The following STAC variants were observed in gnomAD, a reference collection of about 807,000 sequenced individuals.
The protein encoded by STAC is SH3 and cysteine rich domain.
In STAC, 43 loss-of-function variants were observed where a neutral mutation model predicts 48.8. The observed-to-expected ratio is 0.88, with a 90% CI of 0.69 to 1.14. STAC has a LOEUF of 1.14. Among genes scored for constraint, STAC ranks in the 50% most tolerant of loss-of-function variants. The pLI is 0.00. For synonymous variants in STAC, 193 were observed against 179.5 expected, an observed-to-expected ratio of 1.07 and a Z score of -0.60; for missense variants, 497 against 504.0, an observed-to-expected ratio of 0.99 and a Z score of 0.13.
intron 1 of STAC, among the ~76,000 whole-genome samples, chr3:36,437,446 A>C (rs945339335): frequency 6.6e-6 from 1 of 151,978 alleles, no homozygotes; most frequent in Non-Finnish European, 1.5e-5. Context: ...CTATGCAGCC[A>C]TAAAAAATGA....
intron 1 of STAC, among the ~76,000 whole-genome samples, chr3:36,398,295 A>AAAAGAAAGAAAGAAAG (rs1217994053): frequency 7.1e-4 from 83 of 117,078 alleles, no homozygotes; most frequent in Middle Eastern, 4.3e-3. Flanking sequence ...GGTATGTTAA[A>AAAAGAAAGAAAGAAAG]AAAGAAAGAA....
intron 1 of STAC, among the ~76,000 whole-genome samples, chr3:36,398,587 A>AGGAAGGAAGGAAGGAG: frequency 1.2e-5 from 1 of 85,212 alleles, no homozygotes; most frequent in Non-Finnish European, 2.3e-5. Flanking sequence ...GAAGGAAGGA[A>AGGAAGGAAGGAAGGAG]GGAAGGAAGG....
rs965023232 is a variant in STAC, at chr3:36,533,492, T to G, written c.1110+4507T>G. On this transcript the variant is annotated intron_variant, in intron 10 of 10. Coordinates refer to ENST00000273183, the MANE Select transcript of STAC (RefSeq NM_003149.3). The stretch of plus-strand genomic sequence containing the variant: ...GCTAGCATGTTTTTTTTTTTTTTTT[T>G]TTTTTTTTTTCAGAATAATCTTATG... Among the ~76,000 whole-genome samples, 7 of 150,080 alleles carry G rather than the reference T, an allele frequency of 4.7e-5. No homozygotes were observed. The South Asian group carries it at 6.4e-4, about 14-fold the overall frequency.
intron 7 of STAC, 119 bp from the exon 8 acceptor site, chr3:36,505,627 C>A: frequency 1.5e-6 from 1 of 670,716 alleles, no homozygotes; most frequent in Non-Finnish European, 2.5e-6. Context: ...TTAGATAACA[C>A]TTACGATCCA....
chr3:36,517,202 G>A (rs2125722501), intron 8 of STAC, among the ~76,000 whole-genome samples: 1 of 152,206 alleles, frequency 6.6e-6, no homozygotes, highest in African/African-American at 2.4e-5. Context: ...CTCCTATCAG[G>A]GTATAGCAGG....
chr3:36,382,879 A>G (rs1699540921), intron 1 of STAC, among the ~76,000 whole-genome samples: 1 of 152,204 alleles, frequency 6.6e-6, no homozygotes, highest in Admixed American at 6.5e-5. Flanking sequence ...ACAAGACAGT[A>G]ATATGCATTC....
intron 2 of STAC, among the ~76,000 whole-genome samples, chr3:36,481,027 T>C (rs1267130883): frequency 1.3e-5 from 2 of 152,296 alleles, no homozygotes; most frequent in African/African-American, 4.8e-5. Context: ...AAGGATAATT[T>C]AGACAGGGGT....
At chr3:36,464,206 C>T (rs911998891) in intron 2 of STAC, among the ~76,000 whole-genome samples, 1 of 152,156 alleles carries the variant, frequency 6.6e-6, no homozygotes, top group Non-Finnish European at 1.5e-5. Flanking sequence ...TTAATGATCG[C>T]CATTCTAACT....
intron 1 of STAC, among the ~76,000 whole-genome samples, chr3:36,395,223 G>A (rs1457712060): frequency 2.0e-5 from 3 of 152,148 alleles, no homozygotes; most frequent in African/African-American, 7.2e-5. Flanking sequence ...AGTTGAAGAG[G>A]TCAGATGAAG....
intron 1 of STAC, among the ~76,000 whole-genome samples, chr3:36,401,291 G>A (rs922902125): frequency 1.3e-5 from 2 of 152,152 alleles, no homozygotes; most frequent in Non-Finnish European, 2.9e-5. Context: ...ACACACTCTT[G>A]TTCATCCACA....
At chr3:36,478,221 A>G (rs1697543971) in intron 2 of STAC, among the ~76,000 whole-genome samples, 1 of 152,180 alleles carries the variant, frequency 6.6e-6, no homozygotes, top group Non-Finnish European at 1.5e-5. Context: ...TCATATCACA[A>G]TCTTTGCTCC....
Position 36,443,515 on chromosome 3 carries a change from C to G in STAC, c.263C>G (p.Ala88Gly). The G allele has an allele frequency of 6.2e-7, 1 of 1,614,242 alleles. No homozygotes were observed. The highest frequency in any genetic ancestry group is 8.5e-7 in the Non-Finnish European group (1 of 1,180,048). Reference protein sequence around the residue: ...EISPSSSPLPAPGSLTSTPAR... With the variant: ...EISPSSSPLPGPGSLTSTPAR... ...AGCCCCAGCTCCAGCCCACTCCCTG[C>G]TCCAGGAAGCCTGACGTCCACACCC... Residue 88 changes from alanine to glycine, a missense_variant, in exon 2 of 11, where the codon GCT becomes GGT. Transcript: ENST00000273183. This position sits in a 1 kb window ranked among gnomAD's most constrained non-coding sequence, Gnocchi z 4.2.
At chr3:36,530,617 C>T (rs1163274746) in intron 10 of STAC, among the ~76,000 whole-genome samples, 3 of 77,564 alleles carry the variant, frequency 3.9e-5, no homozygotes, top group East Asian at 3.9e-4. Flanking sequence ...TTTTTTGAGA[C>T]GGAGTTTCAC....
intron 2 of STAC, among the ~76,000 whole-genome samples, chr3:36,467,168 C>T (rs1054714379): frequency 5.3e-5 from 8 of 151,998 alleles, no homozygotes; most frequent in African/African-American, 1.9e-4. Flanking sequence ...ATATGTTAAA[C>T]CATCCCTGCA....
intron 8 of STAC, among the ~76,000 whole-genome samples, chr3:36,527,641 T>A (rs1178757638): frequency 6.6e-6 from 1 of 151,932 alleles, no homozygotes; most frequent in African/African-American, 2.4e-5. Context: ...GACAAGAAGT[T>A]CCAGAAGGAA....
chr3:36,478,614 T>C (rs940552969), intron 2 of STAC, among the ~76,000 whole-genome samples: 13 of 152,194 alleles, frequency 8.5e-5, no homozygotes, highest in African/African-American at 2.9e-4. Flanking sequence ...CATGCCTCAG[T>C]CTCCCGAGTA....
At chr3:36,406,424 C>G (rs1195537795) in intron 1 of STAC, among the ~76,000 whole-genome samples, 1 of 152,218 alleles carries the variant, frequency 6.6e-6, no homozygotes, top group Non-Finnish European at 1.5e-5. Context: ...GGCCTATACT[C>G]TCACATCTAC....
chr3:36,507,525 CGGCTAT>C (rs1297649535), intron 8 of STAC, among the ~76,000 whole-genome samples: 5 of 152,138 alleles, frequency 3.3e-5, no homozygotes, highest in Admixed American at 6.5e-5. Flanking sequence ...TGGTAGAATT[CGGCTAT>C]GATTCCATCT....
intron 10 of STAC, among the ~76,000 whole-genome samples, chr3:36,540,921 A>G (rs535574927): frequency 1.3e-5 from 2 of 152,260 alleles, no homozygotes; most frequent in South Asian, 4.2e-4. Flanking sequence ...TAAACATCTC[A>G]AGTTACAAAA....
Sources: gnomAD v4.1 joint callset for allele counts (sites outside exome capture counted in the v4.1 genomes callset) on GRCh38, gnomAD v4.1.1 for gene constraint, Gnocchi (gnomAD v3.1) non-coding constraint, MANE v1.5 for transcripts, NCBI Gene and HGNC (gene_info 2026-07-23, HGNC 2026-07-21) for gene names.